SMCHD1: variants seen among roughly 807,000 people sequenced by gnomAD.
The protein encoded by SMCHD1 is structural maintenance of chromosomes flexible hinge domain-containing protein 1.
Under a neutral mutation model 254.7 loss-of-function variants are expected in SMCHD1, and 78 were observed. The ratio of observed to expected loss-of-function variants is 0.31; its 90% CI spans 0.26 to 0.37. SMCHD1 has a LOEUF of 0.37. Ranked by LOEUF, SMCHD1 falls within the 10% of genes least tolerant of loss-of-function variation. SMCHD1 has a pLI of 1.00. For synonymous variants in SMCHD1, 766 were observed against 794.9 expected, an observed-to-expected ratio of 0.96 and a Z score of 0.61; for missense variants, 1,840 against 2,408.1, an observed-to-expected ratio of 0.76 and a Z score of 4.94.
intron 25 of SMCHD1, among the ~76,000 whole-genome samples, chr18:2,736,096 A>G (rs1322097501): frequency 6.6e-6 from 1 of 152,224 alleles, no homozygotes; most frequent in Non-Finnish European, 1.5e-5. Context: ...GAGCCCAGAA[A>G]TAAAACTGTA....
At chr18:2,673,682 CTGT>C (rs1344919597) in intron 4 of SMCHD1, among the ~76,000 whole-genome samples, 2 of 152,018 alleles carry the variant, frequency 1.3e-5, no homozygotes, top group Non-Finnish European at 2.9e-5. Flanking sequence ...AGTTTGTGTT[CTGT>C]TGTTGAACAT....
chr18:2,729,709 C>CTTTTTTTT (rs72203094), intron 24 of SMCHD1, among the ~76,000 whole-genome samples: 1 of 140,476 alleles, frequency 7.1e-6, no homozygotes. Flanking sequence ...TATTCTTTCG[C>CTTTTTTTT]TTTTTTTTTT....
chr18:2,661,485 G>A (rs998217987), intron 1 of SMCHD1, among the ~76,000 whole-genome samples: 4 of 150,872 alleles, frequency 2.7e-5, no homozygotes, highest in African/African-American at 9.9e-5. Context: ...TTAGAAATCT[G>A]TGGGTTTTTA....
rs144696527 is a variant in SMCHD1 at position 2,714,039 on chromosome 18, G to A, written c.2261-4119G>A. On this transcript the variant is annotated intron_variant, in intron 17 of 47. Coordinates refer to ENST00000320876, the MANE Select transcript of SMCHD1 (RefSeq NM_015295.3). ...GTCTAAAGGCCAGTTTAAATCCAAT[G>A]TTCCTTTGTTGCAACGTTTTCTATC... 3.5e-3 allele frequency among the ~76,000 whole-genome samples: 534 copies of A among 152,262 alleles called. 3 individuals are homozygous for A. Among genetic ancestry groups the A allele is most frequent in the South Asian group, 8.5e-3 (41 of 4,824 alleles).
At chr18:2,783,226 G>A (rs1164655220) in intron 44 of SMCHD1, among the ~76,000 whole-genome samples, 4 of 151,952 alleles carry the variant, frequency 2.6e-5, no homozygotes, top group South Asian at 2.1e-4. Flanking sequence ...CGTATACATC[G>A]TTCACATCTG....
intron 42 of SMCHD1, 91 bp from the exon 43 acceptor site, chr18:2,777,715 T>A (rs1463822602): frequency 3.2e-6 from 2 of 628,022 alleles, no homozygotes; most frequent in Admixed American, 6.0e-5. Context: ...ATCAAAATGA[T>A]GTGCAATATA....
chr18:2,785,474 C>T (rs2076223798), intron 45 of SMCHD1, among the ~76,000 whole-genome samples: 1 of 150,784 alleles, frequency 6.6e-6, no homozygotes, highest in Non-Finnish European at 1.5e-5. Context: ...CAGTGAAACC[C>T]TGTCTCTACT....
In SMCHD1 at chr18:2,796,263, C is replaced by T. The variant is rs1006204176; in HGVS notation, c.5879-144C>T. ...GTCCTATCTGATAAATGGTTATAAACTATTCTTTCACCAGAAGTAATAGGC... is the reference window on the plus strand; with the variant it reads ...GTCCTATCTGATAAATGGTTATAAATTATTCTTTCACCAGAAGTAATAGGC... On this transcript the variant is annotated intron_variant, in intron 46 of 47. Transcript: ENST00000320876. The T allele has an allele frequency of 1.6e-5, 14 of 868,612 alleles. No individual in the cohort carries two copies. The Admixed American group carries it at 2.1e-4, about 13-fold the overall frequency. The allele number at this position is 868,612 out of a possible 1,614,324, so 53.8% of individuals were successfully genotyped here. A position where few individuals can be genotyped will look rare whatever the true frequency, so the allele number is the denominator to read the frequency against.
chr18:2,785,977 T>G (rs944107296), intron 45 of SMCHD1, among the ~76,000 whole-genome samples: 1 of 152,204 alleles, frequency 6.6e-6, no homozygotes, highest in East Asian at 1.9e-4. Flanking sequence ...CTGTATCTAT[T>G]TGCAACGTTT....
At chr18:2,676,964 A>T (rs1187140339) in intron 5 of SMCHD1, among the ~76,000 whole-genome samples, 3 of 152,160 alleles carry the variant, frequency 2.0e-5, no homozygotes, top group African/African-American at 2.4e-5. Flanking sequence ...GATTTTCATA[A>T]GTTTTTTTCC....
intron 12 of SMCHD1, chr18:2,702,367 A>G (rs549729799): frequency 6.6e-6 from 1 of 151,812 alleles, no homozygotes; most frequent in Admixed American, 6.6e-5. Flanking sequence ...GAATATCTGC[A>G]TACTTTTCCC....
At chr18:2,694,889 C>T (rs1474576289) in intron 8 of SMCHD1, among the ~76,000 whole-genome samples, 196 bp downstream of exon 8, 1 of 152,104 alleles carries the variant, frequency 6.6e-6, no homozygotes, top group African/African-American at 2.4e-5. Flanking sequence ...TTATAGATCA[C>T]CTCTAGTGTA....
At position 2,718,462 on chromosome 18, in the gene SMCHD1, A is replaced by G; in HGVS notation, c.2458+28A>G. 1 of 1,559,216 alleles carries G rather than the reference A, an allele frequency of 6.4e-7. No individual in the cohort carries two copies. The highest frequency in any genetic ancestry group is 8.7e-7 in the Non-Finnish European group (1 of 1,148,850). On this transcript the variant is annotated intron_variant, in intron 19 of 47. Transcript: ENST00000320876. The surrounding 1 kb of genome is among the most constrained non-coding windows in gnomAD (Gnocchi z 4.6). ...AAGCAAAACAGTAATATATAATTAT[A>G]TATGCTAAAGGTGGCATTTTAAATC...
chr18:2,678,255 C>CTTTCTTTCGTTCTT (rs61681896), intron 5 of SMCHD1, among the ~76,000 whole-genome samples: 3 of 119,402 alleles, frequency 2.5e-5, no homozygotes, highest in African/African-American at 9.2e-5. Context: ...TTCTTTCTTT[C>CTTTCTTTCGTTCTT]TCTCTCTCTC....
rs138194217 is a variant in SMCHD1, at chr18:2,766,239, C to T, written c.4719+2450C>T. On this transcript the variant is annotated intron_variant, in intron 37 of 47. Coordinates refer to ENST00000320876, the MANE Select transcript of SMCHD1 (RefSeq NM_015295.3). ...CGATCTCCTGACCTTGTGATCCACCCGCCTCGGCCTCCCAAAGTGCTGGGA... is the reference window on the plus strand; with the variant it reads ...CGATCTCCTGACCTTGTGATCCACCTGCCTCGGCCTCCCAAAGTGCTGGGA... Among the ~76,000 whole-genome samples the T allele has an allele frequency of 1.5e-3, 229 of 152,306 alleles. 1 individual carries two copies. The highest frequency in any genetic ancestry group is 5.4e-3 in the African/African-American group (223 of 41,562).
chr18:2,658,525 GTTCCTCC>G (rs764841526), intron 1 of SMCHD1, among the ~76,000 whole-genome samples: 2 of 152,154 alleles, frequency 1.3e-5, no homozygotes, highest in Admixed American at 6.5e-5. Context: ...AACTAATTCT[GTTCCTCC>G]TTCCTCCCAC....
At chr18:2,745,029 G>A (rs2075425023) in intron 29 of SMCHD1, among the ~76,000 whole-genome samples, 1 of 151,998 alleles carries the variant, frequency 6.6e-6, no homozygotes, top group Non-Finnish European at 1.5e-5. Context: ...TTTAAATAAA[G>A]ATAGGGTTTC....
chr18:2,758,619 T>C (rs774684866), intron 34 of SMCHD1, among the ~76,000 whole-genome samples: 2 of 152,232 alleles, frequency 1.3e-5, no homozygotes, highest in African/African-American at 2.4e-5. Flanking sequence ...ATCTTATTTT[T>C]ACCTGAAAAT....
intron 5 of SMCHD1, among the ~76,000 whole-genome samples, chr18:2,687,538 T>G (rs1044650392): frequency 1.3e-5 from 2 of 152,302 alleles, no homozygotes; most frequent in African/African-American, 4.8e-5. Flanking sequence ...GATGTTGATT[T>G]CTTTTTATGT....
Sources: allele counts gnomAD v4.1 joint callset (sites outside exome capture counted in the v4.1 genomes callset), GRCh38; gene constraint gnomAD v4.1.1; non-coding constraint Gnocchi (gnomAD v3.1); transcripts MANE v1.5; gene names NCBI Gene and HGNC (gene_info 2026-07-23, HGNC 2026-07-21).